The following PCNX2 variants were observed in gnomAD, a reference collection of about 807,000 sequenced individuals.
PCNX2 encodes the protein pecanex-like protein 2.
Under a neutral mutation model 223.8 loss-of-function variants are expected in PCNX2, and 168 were observed. The ratio of observed to expected loss-of-function variants is 0.75; its 90% confidence interval spans 0.66 to 0.85. The LOEUF is 0.85. Among genes scored for constraint, PCNX2 ranks in the 40% least tolerant of loss-of-function variants. The probability of loss-of-function intolerance (pLI) is 0.00; values close to 1 mark genes in which losing one functional copy is unlikely to be tolerated. For missense variants in PCNX2, 2,507 were observed against 2,675.5 expected, an observed-to-expected ratio of 0.94 and a Z score of 1.39; for synonymous variants, 1,006 against 1,052.6, an observed-to-expected ratio of 0.96 and a Z score of 0.86.
intron 25 of PCNX2, among the ~76,000 whole-genome samples, chr1:233,036,397 G>C (rs556175123): frequency 6.6e-6 from 1 of 152,212 alleles, no homozygotes; most frequent in East Asian, 1.9e-4. Context: ...TTGGGAGGCC[G>C]AGGGGGTGGA....
chr1:233,314,933 A>G, the PCNX2 span, among the ~76,000 whole-genome samples: 5 of 152,234 alleles, frequency 3.3e-5, no homozygotes, highest in Non-Finnish European at 5.9e-5. Context: ...GCAACCACAA[A>G]TAATACTTCA....
At chr1:233,144,256 G>A (rs1031584883) in intron 19 of PCNX2, among the ~76,000 whole-genome samples, 48 of 151,960 alleles carry the variant, frequency 3.2e-4, no homozygotes, top group African/African-American at 1.0e-3. Context: ...GGCACTACCC[G>A]GAAAATATTT....
chr1:233,134,275 G>A (rs562430191), intron 21 of PCNX2, among the ~76,000 whole-genome samples: 8 of 152,172 alleles, frequency 5.3e-5, no homozygotes, highest in Non-Finnish European at 7.4e-5. Context: ...GCTTACAAAC[G>A]TAGGTTTCAT....
At chr1:233,311,223 T>C in the PCNX2 span, among the ~76,000 whole-genome samples, 1 of 152,226 alleles carries the variant, frequency 6.6e-6, no homozygotes, top group Non-Finnish European at 1.5e-5. Context: ...CAGAAGCTAT[T>C]ACCTGGAAAT....
At chr1:233,025,780 G>A (rs1450995566) in intron 25 of PCNX2, 1 of 215,830 alleles carries the variant, frequency 4.6e-6, no homozygotes, top group Non-Finnish European at 9.3e-6. Context: ...GTCCAGGCTT[G>A]TTTCCTCATC....
At chr1:233,281,090 G>C (rs1368150373) in intron 1 of PCNX2, among the ~76,000 whole-genome samples, 1 of 152,232 alleles carries the variant, frequency 6.6e-6, no homozygotes, top group Admixed American at 6.5e-5. Flanking sequence ...TTTATTGCCT[G>C]TGTACACAGT....
At chr1:233,094,021 G>A (rs919534170) in intron 22 of PCNX2, among the ~76,000 whole-genome samples, 5 of 152,110 alleles carry the variant, frequency 3.3e-5, no homozygotes, top group African/African-American at 4.8e-5. Flanking sequence ...CACGAATATA[G>A]GGCAAGTATT....
chr1:233,179,275 G>A, intron 15 of PCNX2, 100 bp from the exon 16 acceptor site: 2 of 1,223,926 alleles, frequency 1.6e-6, no homozygotes, highest in East Asian at 2.5e-5. Context: ...CAGCTGGATG[G>A]ATGAGTTATT....
chr1:233,134,591 C>CAGGCAGGGAGGGAGGCAGGA (rs2102765855), intron 21 of PCNX2, among the ~76,000 whole-genome samples: 1 of 151,332 alleles, frequency 6.6e-6, no homozygotes, highest in South Asian at 2.1e-4. Context: ...GGCGGGAAGG[C>CAGGCAGGGAGGGAGGCAGGA]AGGCAGGGAG....
At chr1:233,294,975 A>G (rs1661983726) in intron 1 of PCNX2, among the ~76,000 whole-genome samples, 1 of 152,056 alleles carries the variant, frequency 6.6e-6, no homozygotes, top group Non-Finnish European at 1.5e-5. Context: ...AGCATTTCAC[A>G]CCAAACATTA....
At chr1:233,235,020 C>A (rs910334188) in intron 9 of PCNX2, among the ~76,000 whole-genome samples, 2 of 151,918 alleles carry the variant, frequency 1.3e-5, no homozygotes, top group Admixed American at 6.6e-5. Context: ...CTCACCCAAA[C>A]CAGGCAGGTA....
chr1:233,173,698 A>G (rs896629040), intron 17 of PCNX2, among the ~76,000 whole-genome samples: 2 of 152,224 alleles, frequency 1.3e-5, no homozygotes, highest in African/African-American at 2.4e-5. Context: ...GGTTATGTCT[A>G]TCTCCACTTA....
Position 233,095,822 on chromosome 1 carries a change from A to G in PCNX2, c.3879T>C (p.Tyr1293=). Residue 1293 remains tyrosine (Y), a synonymous_variant, in exon 22 of 34, where the codon TAT becomes TAC. Coordinates refer to ENST00000258229, the MANE Select transcript of PCNX2 (RefSeq NM_014801.4). The stretch of plus-strand genomic sequence containing the variant: ...CCCAAGCCATCTGCCAAGGAGCCAC[A>G]TATGTCAGGACGAACTGTAACTTGT... ...LLHKLQFVLT[Y]VAPWQMAWGS... 1 of 1,612,820 alleles carries G rather than the reference A, an allele frequency of 6.2e-7. No homozygotes were observed. Among genetic ancestry groups the G allele is most frequent in the Non-Finnish European group, 8.5e-7 (1 of 1,179,404 alleles).
intron 26 of PCNX2, 122 bp downstream of exon 26, chr1:233,025,024 G>C (rs1266007025): frequency 2.3e-6 from 3 of 1,331,648 alleles, no homozygotes; most frequent in African/African-American, 2.9e-5. Flanking sequence ...CAGATGGCTG[G>C]GTTTCCAATT....
chr1:233,079,862 G>C (rs538018266), intron 23 of PCNX2, among the ~76,000 whole-genome samples: 1 of 152,286 alleles, frequency 6.6e-6, no homozygotes, highest in Non-Finnish European at 1.5e-5. Context: ...CACTGGGAAG[G>C]AAGGAAATTC....
At chr1:233,289,800 G>T (rs1165053746) in intron 1 of PCNX2, among the ~76,000 whole-genome samples, 1 of 149,534 alleles carries the variant, frequency 6.7e-6, no homozygotes, top group Non-Finnish European at 1.5e-5. Context: ...AACCTTTTGA[G>T]AATGGCAACG....
chr1:233,253,642 G>A lies in PCNX2; in HGVS notation c.1835-854C>T, dbSNP rs1288689589. On this transcript the variant is annotated intron_variant, in intron 5 of 33. Coordinates refer to ENST00000258229, the MANE Select transcript of PCNX2 (RefSeq NM_014801.4). The surrounding 1 kb of genome is among the most constrained non-coding windows in gnomAD (Gnocchi z 4.2). Reference sequence around the variant, plus strand: ...ATTACAGGCATGAGCCACCACACCCGGCCTGCTGATTTTGAACAATATGCT... The same window carrying A: ...ATTACAGGCATGAGCCACCACACCCAGCCTGCTGATTTTGAACAATATGCT... 2.6e-5 allele frequency among the ~76,000 whole-genome samples: 4 copies of A among 152,106 alleles called. No individual in the cohort carries two copies. Among genetic ancestry groups the A allele is most frequent in the Admixed American group, 6.6e-5 (1 of 15,262 alleles).
At chr1:233,078,941 G>C (rs1400114353) in intron 23 of PCNX2, among the ~76,000 whole-genome samples, 2 of 152,160 alleles carry the variant, frequency 1.3e-5, no homozygotes, top group African/African-American at 4.8e-5. Context: ...TCATCCGTCA[G>C]CAAAACAGTG....
At chr1:233,231,462 C>A (rs1452940614) in intron 9 of PCNX2, 1 of 176,390 alleles carries the variant, frequency 5.7e-6, no homozygotes, top group South Asian at 1.9e-4. Flanking sequence ...AGATAATAGG[C>A]CCTGTTATGT....
Sources: gnomAD v4.1 joint callset for allele counts (sites outside exome capture counted in the v4.1 genomes callset) on GRCh38, gnomAD v4.1.1 for gene constraint, Gnocchi (gnomAD v3.1) non-coding constraint, MANE v1.5 for transcripts, NCBI Gene and HGNC (gene_info 2026-07-23, HGNC 2026-07-21) for gene names.